The following STK32B variants were observed in gnomAD, a reference collection of about 807,000 sequenced individuals.
STK32B encodes the protein serine/threonine-protein kinase 32B.
STK32B carries 43 observed loss-of-function variants against 52.6 expected under a neutral mutation model. That is an observed-to-expected ratio of 0.82 (90% CI 0.64 to 1.05). The LOEUF (loss-of-function observed/expected upper bound fraction) is 1.05. Among genes scored for constraint, STK32B ranks in the 50% least tolerant of loss-of-function variants. The pLI is 0.00. For synonymous variants in STK32B, 238 were observed against 204.3 expected (o/e 1.17, Z -1.41); for missense variants, 621 against 534.6 (o/e 1.16, Z -1.59).
At chr4:5,464,738 C>T (rs1717303883) in intron 9 of STK32B, among the ~76,000 whole-genome samples, 1 of 152,192 alleles carries the variant, frequency 6.6e-6, no homozygotes, top group South Asian at 2.1e-4. Flanking sequence ...GGTTAGGCAA[C>T]TTGCCCAAGA....
Position 5,159,562 on chromosome 4 carries a change from A to AATATATATATGAATATAT in STK32B, c.109-8735_109-8734insATATATATGAATATATAT. Among the ~76,000 whole-genome samples the AATATATATATGAATATAT allele has an allele frequency of 9.7e-5, 5 of 51,596 alleles. No individual in the cohort carries two copies. In the South Asian group the frequency reaches 2.0e-3, roughly 21 times the overall value. 33.8% of individuals were successfully genotyped at this position (51,596 alleles called of 152,430 possible). ...ATATGTATATATATGAATATATATGAATGAATATATATGAATATATATATG... is the reference window on the plus strand; with the variant it reads ...ATATGTATATATATGAATATATATGAATATATATATGAATATATATGAATATATATGAATATATATATG... On this transcript the variant is annotated intron_variant, in intron 2 of 11. Transcript: ENST00000282908.
intron 3 of STK32B, among the ~76,000 whole-genome samples, chr4:5,229,058 T>C (rs550943744): frequency 7.2e-5 from 11 of 152,276 alleles, no homozygotes; most frequent in Middle Eastern, 6.8e-3. Flanking sequence ...TATACCTTAA[T>C]TAAAAATACT....
Position 5,051,835 on chromosome 4 carries a change from G to A in STK32B, c.-29G>A, listed in dbSNP as rs370967481. 1.9e-6 allele frequency: 3 copies of A among 1,584,564 alleles called. No homozygotes were observed. The highest frequency in any genetic ancestry group is 2.6e-6 in the Non-Finnish European group (3 of 1,166,098). On this transcript the variant is annotated 5_prime_UTR_variant, in exon 1 of 12. Coordinates refer to ENST00000282908, the MANE Select transcript of STK32B (RefSeq NM_018401.3). ...CCGCATCCGGCATCCCAGCGGCCGGGCATGTAGCAGCGGCAGCAACGGCGG... is the reference window on the plus strand; with the variant it reads ...CCGCATCCGGCATCCCAGCGGCCGGACATGTAGCAGCGGCAGCAACGGCGG...
At chr4:5,141,241 G>T (rs1716424640) in intron 2 of STK32B, among the ~76,000 whole-genome samples, 1 of 152,192 alleles carries the variant, frequency 6.6e-6, no homozygotes, top group African/African-American at 2.4e-5. Flanking sequence ...GGTTCTGCAG[G>T]ACAGTGCTCT....
At chr4:5,484,251 G>C (rs960775411) in intron 11 of STK32B, among the ~76,000 whole-genome samples, 1 of 152,182 alleles carries the variant, frequency 6.6e-6, no homozygotes, top group Non-Finnish European at 1.5e-5. Context: ...CTAAGGACTT[G>C]CTCTATGAAT....
chr4:5,372,502 T>A (rs1735309344), intron 4 of STK32B, among the ~76,000 whole-genome samples: 1 of 152,180 alleles, frequency 6.6e-6, no homozygotes, highest in South Asian at 2.1e-4. Flanking sequence ...CCATTACTAT[T>A]CAATATTACC....
intron 3 of STK32B, among the ~76,000 whole-genome samples, chr4:5,329,503 C>T (rs1168448446): frequency 2.6e-5 from 4 of 152,190 alleles, no homozygotes; most frequent in African/African-American, 9.6e-5. Flanking sequence ...TCCTCCCACC[C>T]ACCTTCACCT....
At chr4:5,317,044 T>TA (rs1553871460) in intron 3 of STK32B, among the ~76,000 whole-genome samples, 12 of 26,516 alleles carry the variant, frequency 4.5e-4, no homozygotes, top group East Asian at 1.8e-3. Context: ...TAATATATTA[T>TA]ATATATAATA....
chr4:5,069,025 T>G (rs923877371), intron 1 of STK32B, among the ~76,000 whole-genome samples: 1 of 152,196 alleles, frequency 6.6e-6, no homozygotes, highest in Non-Finnish European at 1.5e-5. Flanking sequence ...GACCTTTAGT[T>G]TGCAACTTGT....
intron 3 of STK32B, among the ~76,000 whole-genome samples, chr4:5,175,661 A>C (rs1719812754): frequency 6.6e-6 from 1 of 152,090 alleles, no homozygotes; most frequent in Admixed American, 6.5e-5. Flanking sequence ...GTTCCTCTGG[A>C]AGTTTTGTCT....
At position 5,426,692 on chromosome 4, in the gene STK32B, C is replaced by CAAAAAAAAAA. The variant is rs746246839; in HGVS notation, c.562+9771_562+9780dup. ...GCAACAGGGCGAGACTCCATCTAAACAAAAAAAAAAAAAAAAAAAAAAGGA... is the reference window on the plus strand; with the variant it reads ...GCAACAGGGCGAGACTCCATCTAAACAAAAAAAAAAAAAAAAAAAAAAAAAAAAAAAAGGA... On this transcript the variant is annotated intron_variant, in intron 6 of 11. Transcript: ENST00000282908. 3.2e-4 allele frequency among the ~76,000 whole-genome samples: 25 copies of CAAAAAAAAAA among 77,998 alleles called. 1 individual carries two copies. The highest frequency in any genetic ancestry group is 3.8e-4 in the African/African-American group (8 of 21,158). 51.2% of individuals were successfully genotyped at this position (77,998 alleles called of 152,430 possible). A position where few individuals can be genotyped will look rare whatever the true frequency, so the allele number is the denominator to read the frequency against.
chr4:5,296,567 A>G (rs1206835044), intron 3 of STK32B, among the ~76,000 whole-genome samples: 2 of 152,136 alleles, frequency 1.3e-5, no homozygotes, highest in African/African-American at 4.8e-5. Flanking sequence ...CTATTTTATC[A>G]GAGACTGGGA....
Position 5,371,044 on chromosome 4 carries a change from G to GTATATA in STK32B, c.435-27162_435-27161insATATAT, listed in dbSNP as rs1288590360. On this transcript the variant is annotated intron_variant, in intron 4 of 11. Transcript: ENST00000282908. ...TATGTGTATATATATGTATATATAT[G>GTATATA]TGTGTGTGTGTGTATATATTCTAAC... Among the ~76,000 whole-genome samples the GTATATA allele has an allele frequency of 2.1e-3, 312 of 149,998 alleles. 1 individual carries two copies. Among genetic ancestry groups the GTATATA allele is most frequent in the African/African-American group, 7.2e-3 (291 of 40,606 alleles).
intron 4 of STK32B, among the ~76,000 whole-genome samples, chr4:5,357,481 G>T (rs1461344227): frequency 6.6e-6 from 1 of 152,012 alleles, no homozygotes; most frequent in Non-Finnish European, 1.5e-5. Flanking sequence ...TGGCATCAAG[G>T]ATCAACCAGG....
At chr4:5,263,548 C>A (rs533576829) in intron 3 of STK32B, among the ~76,000 whole-genome samples, 2 of 152,224 alleles carry the variant, frequency 1.3e-5, no homozygotes, top group Non-Finnish European at 2.9e-5. Flanking sequence ...TCCACCTATG[C>A]AAAATCACCT....
chr4:5,197,435 C>G (rs1030750487), intron 3 of STK32B, among the ~76,000 whole-genome samples: 1 of 152,244 alleles, frequency 6.6e-6, no homozygotes, highest in African/African-American at 2.4e-5. Flanking sequence ...GTGGGCACCT[C>G]TTACGACCAC....
At chr4:5,382,936 GCTCT>G (rs1736023501) in intron 4 of STK32B, among the ~76,000 whole-genome samples, 1 of 151,998 alleles carries the variant, frequency 6.6e-6, no homozygotes. Context: ...AACAGCCAGG[GCTCT>G]CTGACTCTTA....
At chr4:5,202,647 G>C (rs1000369031) in intron 3 of STK32B, among the ~76,000 whole-genome samples, 1 of 152,240 alleles carries the variant, frequency 6.6e-6, no homozygotes, top group Non-Finnish European at 1.5e-5. Flanking sequence ...CTGAAATCTA[G>C]AGAGAGGTTC....
chr4:5,200,349 A>G (rs193058079), intron 3 of STK32B, among the ~76,000 whole-genome samples: 1 of 147,596 alleles, frequency 6.8e-6, no homozygotes, highest in African/African-American at 2.5e-5. Flanking sequence ...TTTGTTTTCT[A>G]TATTTACAGT....
Sources: allele counts gnomAD v4.1 joint callset (sites outside exome capture counted in the v4.1 genomes callset), GRCh38; gene constraint gnomAD v4.1.1; transcripts MANE v1.5; gene names NCBI Gene and HGNC (gene_info 2026-07-23, HGNC 2026-07-21).